VEPH1: variants seen among roughly 807,000 people sequenced by gnomAD.
The protein encoded by VEPH1 is ventricular zone expressed PH domain containing 1, also known as ventricular zone-expressed PH domain-containing protein homolog 1.
In VEPH1, 80 loss-of-function variants were observed where a neutral mutation model predicts 85.2. That is an observed-to-expected ratio of 0.94 (90% CI 0.78 to 1.13). The LOEUF (loss-of-function observed/expected upper bound fraction) is 1.13. VEPH1 is among the 50% of genes most tolerant of loss of function. The pLI, the probability that VEPH1 is intolerant of heterozygous loss-of-function variation, is 0.00. For missense variants in VEPH1, 955 were observed against 980.5 expected, an observed-to-expected ratio of 0.97 and a Z score of 0.35; for synonymous variants, 297 against 348.0, an observed-to-expected ratio of 0.85 and a Z score of 1.63.
chr3:157,348,717 A>G (rs1451312720), intron 9 of VEPH1, among the ~76,000 whole-genome samples: 1 of 152,206 alleles, frequency 6.6e-6, no homozygotes, highest in Non-Finnish European at 1.5e-5. Context: ...TGGGCTTCCA[A>G]TCACCACATG....
At chr3:157,265,183 A>T (rs1185298987) in intron 13 of VEPH1, among the ~76,000 whole-genome samples, 1 of 152,168 alleles carries the variant, frequency 6.6e-6, no homozygotes. Context: ...TATAAACTAT[A>T]GCTATAAAAA....
intron 9 of VEPH1, among the ~76,000 whole-genome samples, chr3:157,317,677 T>C (rs1294611943): frequency 6.6e-6 from 1 of 152,198 alleles, no homozygotes; most frequent in Non-Finnish European, 1.5e-5. Context: ...TCCTGTGAAC[T>C]GTACTGGTCG....
intron 4 of VEPH1, chr3:157,437,779 CG>C: frequency 6.8e-7 from 1 of 1,476,064 alleles, no homozygotes; most frequent in Non-Finnish European, 8.9e-7. Context: ...CAGGCTGGCG[CG>C]TATGGAGGGC....
intron 9 of VEPH1, among the ~76,000 whole-genome samples, chr3:157,342,107 A>G (rs1218383224): frequency 4.6e-5 from 7 of 152,246 alleles, no homozygotes; most frequent in Non-Finnish European, 8.8e-5. Flanking sequence ...CTAGGAAGAA[A>G]CTGCATCAAC....
At chr3:157,304,021 T>TATATATATATATATATATATATATATATA (rs1559939923) in intron 11 of VEPH1, among the ~76,000 whole-genome samples, 2 of 83,992 alleles carry the variant, frequency 2.4e-5, no homozygotes, top group African/African-American at 4.3e-5. Context: ...ATCTTATATT[T>TATATATATATATATATATATATATATATA]TTTATATATA....
chr3:157,317,753 G>C (rs1294569860), intron 9 of VEPH1, among the ~76,000 whole-genome samples: 1 of 152,142 alleles, frequency 6.6e-6, no homozygotes, highest in African/African-American at 2.4e-5. Context: ...TATCCTTTAG[G>C]GACAAGGAAG....
At chr3:157,288,792 A>G (rs1717106038) in intron 11 of VEPH1, among the ~76,000 whole-genome samples, 3 of 152,210 alleles carry the variant, frequency 2.0e-5, no homozygotes, top group Admixed American at 1.3e-4. Context: ...CCCTGGGCCT[A>G]GAAATGGATA....
At chr3:157,437,572 G>C (rs760098998) in intron 4 of VEPH1, 5 of 1,599,146 alleles carry the variant, frequency 3.1e-6, no homozygotes, top group Middle Eastern at 1.9e-4. Flanking sequence ...CATCATGCTG[G>C]AGAACTCGCA....
intron 4 of VEPH1, chr3:157,437,832 C>G: frequency 1.4e-6 from 2 of 1,470,480 alleles, no homozygotes; most frequent in Non-Finnish European, 1.8e-6. Context: ...GCGCCCTGGC[C>G]GCGGTGCTAG....
At chr3:157,327,941 C>A (rs1205134968) in intron 9 of VEPH1, among the ~76,000 whole-genome samples, 1 of 152,162 alleles carries the variant, frequency 6.6e-6, no homozygotes, top group East Asian at 1.9e-4. Flanking sequence ...TCTCTGATCC[C>A]TTATCCAAAG....
At chr3:157,418,466 G>C (rs996046191) in intron 5 of VEPH1, among the ~76,000 whole-genome samples, 2 of 152,032 alleles carry the variant, frequency 1.3e-5, no homozygotes. Context: ...AAGAATAAAA[G>C]TTTTCAAGCA....
chr3:157,493,156 T>C (rs1188103725), intron 2 of VEPH1: 2 of 431,810 alleles, frequency 4.6e-6, no homozygotes, highest in Non-Finnish European at 9.2e-6. Context: ...AAAGGAAAAT[T>C]GAGAAGCAGG....
Position 157,394,640 on chromosome 3 carries a change from GA to G in VEPH1, c.907-13265del, listed in dbSNP as rs562669579. 3.2e-3 allele frequency among the ~76,000 whole-genome samples: 485 copies of G among 152,322 alleles called. 2 individuals are homozygous for G. The highest frequency in any genetic ancestry group is 0.011 in the African/African-American group (465 of 41,570). On this transcript the variant is annotated intron_variant, in intron 6 of 13. Transcript: ENST00000362010. Reference sequence around the variant, plus strand: ...TTACTCATGGCAGAAGGCAAAGCAGGAGTAGGCAGATCACATGGTGAATGCA... The same window carrying G: ...TTACTCATGGCAGAAGGCAAAGCAGGGTAGGCAGATCACATGGTGAATGCA...
At chr3:157,269,642 G>GTT (rs11408861) in intron 12 of VEPH1, among the ~76,000 whole-genome samples, 2,164 of 115,346 alleles carry the variant, frequency 0.019, 86 homozygotes, top group African/African-American at 0.05. Context: ...TGTTTTTGTT[G>GTT]TTTTTTTTTT....
At chr3:157,438,530 G>A (rs1416702647) in intron 4 of VEPH1, among the ~76,000 whole-genome samples, 2 of 152,154 alleles carry the variant, frequency 1.3e-5, no homozygotes, top group African/African-American at 4.8e-5. Context: ...GGGGTTTGTG[G>A]AATTAGCGCG....
At chr3:157,492,116 G>A (rs1033564914) in intron 2 of VEPH1, among the ~76,000 whole-genome samples, 6 of 152,120 alleles carry the variant, frequency 3.9e-5, no homozygotes, top group Admixed American at 3.9e-4. Context: ...GCCAGTACAG[G>A]CCTAAACCAA....
chr3:157,392,758 A>G (rs1169362734), intron 6 of VEPH1, among the ~76,000 whole-genome samples: 1 of 152,230 alleles, frequency 6.6e-6, no homozygotes, highest in Non-Finnish European at 1.5e-5. Flanking sequence ...GGTGCATTTA[A>G]AAGGCACAGC....
chr3:157,317,681 C>T (rs370742079), intron 9 of VEPH1, among the ~76,000 whole-genome samples: 22 of 152,236 alleles, frequency 1.4e-4, no homozygotes, highest in East Asian at 9.7e-4. Flanking sequence ...GTGAACTGTA[C>T]TGGTCGGGTT....
chr3:157,366,165 G>A (rs1406234553), intron 7 of VEPH1, among the ~76,000 whole-genome samples: 1 of 152,132 alleles, frequency 6.6e-6, no homozygotes, highest in Admixed American at 6.5e-5. Flanking sequence ...ATGAACTCGG[G>A]ACAGAGACAA....
Sources: allele counts gnomAD v4.1 joint callset (sites outside exome capture counted in the v4.1 genomes callset), GRCh38; gene constraint gnomAD v4.1.1; transcripts MANE v1.5; gene names NCBI Gene and HGNC (gene_info 2026-07-23, HGNC 2026-07-21).